The following SDC2 variants were observed in gnomAD, a reference collection of about 807,000 sequenced individuals.
The protein encoded by SDC2 is syndecan-2.
Under a neutral mutation model 22.2 loss-of-function variants are expected in SDC2, and 13 were observed. The observed-to-expected ratio is 0.59, with a 90% CI of 0.38 to 0.93. The LOEUF (loss-of-function observed/expected upper bound fraction) is 0.93, where lower values mean the gene tolerates loss of function less well. SDC2 is among the 40% of genes least tolerant of loss of function. SDC2 has a pLI of 0.00. For missense variants in SDC2, 235 were observed against 246.8 expected, an observed-to-expected ratio of 0.95 and a Z score of 0.32; for synonymous variants, 94 against 92.8, an observed-to-expected ratio of 1.01 and a Z score of -0.07.
chr8:96,540,180 G>A (rs2582833), intron 1 of SDC2, among the ~76,000 whole-genome samples: 86,221 of 150,224 alleles, frequency 0.57, 26,325 homozygotes, highest in Non-Finnish European at 0.7. Flanking sequence ...AAGCCCCCCC[G>A]CCCCGCCAGC....
chr8:96,494,208 G>A lies in SDC2; in HGVS notation c.-64G>A. The A allele has an allele frequency of 2.0e-6, 3 of 1,488,034 alleles. No homozygotes were observed. Among genetic ancestry groups the A allele is most frequent in the South Asian group, 1.2e-5 (1 of 82,534 alleles). 92.2% of individuals were successfully genotyped at this position (1,488,034 alleles called of 1,614,324 possible). A position where few individuals can be genotyped will look rare whatever the true frequency, so the allele number is the denominator to read the frequency against. ...TGTGCGCGGGCTGCGCCGAGCGCTG[G>A]GCAGGAGGCTTCGTTTTGCCCTGGT... On this transcript the variant is annotated 5_prime_UTR_variant, in exon 1 of 5. Transcript: ENST00000302190.
At chr8:96,582,680 A>G (rs1814608673) in intron 1 of SDC2, among the ~76,000 whole-genome samples, 1 of 152,166 alleles carries the variant, frequency 6.6e-6, no homozygotes, top group Non-Finnish European at 1.5e-5. Context: ...GTTAGGTGTA[A>G]TAGATTGGAC....
At chr8:96,588,654 T>G (rs1814726078) in intron 1 of SDC2, among the ~76,000 whole-genome samples, 1 of 152,220 alleles carries the variant, frequency 6.6e-6, no homozygotes, top group African/African-American at 2.4e-5. Flanking sequence ...CAAAGGCTAA[T>G]TTTCTGAAAG....
intron 1 of SDC2, among the ~76,000 whole-genome samples, chr8:96,534,118 A>G (rs1441477244): frequency 6.6e-6 from 1 of 152,156 alleles, no homozygotes; most frequent in Non-Finnish European, 1.5e-5. Context: ...GGGCCTGCCG[A>G]GCCCACGCCC....
intron 1 of SDC2, among the ~76,000 whole-genome samples, chr8:96,569,328 C>G (rs1653721841): frequency 6.6e-6 from 1 of 152,186 alleles, no homozygotes; most frequent in South Asian, 2.1e-4. Context: ...TTCTTATACT[C>G]TCAGCCTAGA....
chr8:96,570,534 A>T (rs1314875369), intron 1 of SDC2, among the ~76,000 whole-genome samples: 1 of 152,180 alleles, frequency 6.6e-6, no homozygotes, highest in Non-Finnish European at 1.5e-5. Context: ...AGAAAAAAAT[A>T]ATTTCGGCTG....
chr8:96,540,361 T>TATATATATATA (rs1554601731), intron 1 of SDC2, among the ~76,000 whole-genome samples: 2 of 148,268 alleles, frequency 1.3e-5, no homozygotes, highest in Admixed American at 1.3e-4. Flanking sequence ...TATATAAAAA[T>TATATATATATA]TAGTCGGGTG....
chr8:96,546,396 T>C (rs1421791124), intron 1 of SDC2, among the ~76,000 whole-genome samples: 2 of 152,342 alleles, frequency 1.3e-5, no homozygotes, highest in East Asian at 3.9e-4. Flanking sequence ...ATTGGGTGGC[T>C]GGCTTTCTCT....
chr8:96,545,660 A>G (rs908581736), intron 1 of SDC2, among the ~76,000 whole-genome samples: 1 of 152,236 alleles, frequency 6.6e-6, no homozygotes, highest in African/African-American at 2.4e-5. Context: ...TGGGTACATT[A>G]GAAGTGTACC....
At position 96,522,386 on chromosome 8, in the gene SDC2, C is replaced by T. The variant is rs544442057; in HGVS notation, c.60+28055C>T. 5.6e-3 allele frequency among the ~76,000 whole-genome samples: 846 copies of T among 150,184 alleles called. 3 individuals carry two copies. Among genetic ancestry groups the T allele is most frequent in the Non-Finnish European group, 7.1e-3 (481 of 67,478 alleles). Reference sequence around the variant, plus strand: ...TGGTTACCTATTTTTTTTTTTTTCTCCTCTGGCTGGAGAAAAGTTAGAACA... The same window carrying T: ...TGGTTACCTATTTTTTTTTTTTTCTTCTCTGGCTGGAGAAAAGTTAGAACA... On this transcript the variant is annotated intron_variant, in intron 1 of 4. Coordinates refer to ENST00000302190, the MANE Select transcript of SDC2 (RefSeq NM_002998.4).
At position 96,555,216 on chromosome 8, in the gene SDC2, G is replaced by A. The variant is rs552505892; in HGVS notation, c.61-38264G>A. On this transcript the variant is annotated intron_variant, in intron 1 of 4. Coordinates refer to ENST00000302190, the MANE Select transcript of SDC2 (RefSeq NM_002998.4). ...CCTTAGCAGGATGCCTCATACTTAAGAGGTACCCACATATTTAGGTGGATG... is the reference window on the plus strand; with the variant it reads ...CCTTAGCAGGATGCCTCATACTTAAAAGGTACCCACATATTTAGGTGGATG... Among the ~76,000 whole-genome samples the A allele has an allele frequency of 2.0e-5, 3 of 152,214 alleles. No individual in the cohort carries two copies. The East Asian group carries it at 5.8e-4, about 29-fold the overall frequency.
chr8:96,602,522 G>T lies in SDC2; in HGVS notation c.300G>T (p.Gln100His). Residue 100 changes from glutamine to histidine, a missense_variant, in exon 3 of 5, where the codon CAG becomes CAT. Transcript: ENST00000302190. ...ATATACAGAACAAGATACCTGCTCA[G>T]ACAAAGGTGCGTTCTATTTTCCATT... ...TLNIQNKIPAQTKSPEETDKE... is the reference protein window; with the variant it reads ...TLNIQNKIPAHTKSPEETDKE... 6.2e-7 allele frequency: 1 copy of T among 1,613,984 alleles called. No individual in the cohort carries two copies. The highest frequency in any genetic ancestry group is 1.1e-5 in the South Asian group (1 of 91,070).
chr8:96,516,963 C>T (rs976555773), intron 1 of SDC2, among the ~76,000 whole-genome samples: 25 of 152,086 alleles, frequency 1.6e-4, no homozygotes, highest in Non-Finnish European at 2.8e-4. Flanking sequence ...TATATACCTA[C>T]GAGTGGAATT....
intron 1 of SDC2, among the ~76,000 whole-genome samples, chr8:96,560,685 C>A (rs1376581585): frequency 6.6e-6 from 1 of 151,874 alleles, no homozygotes; most frequent in Non-Finnish European, 1.5e-5. Context: ...ATCATTAAAC[C>A]CTTTGAGAAT....
chr8:96,563,275 C>G (rs137902944), intron 1 of SDC2, among the ~76,000 whole-genome samples: 104 of 152,250 alleles, frequency 6.8e-4, no homozygotes, highest in African/African-American at 2.4e-3. Flanking sequence ...TTACTTCCTG[C>G]CTCCAAAATT....
chr8:96,517,795 GTGTGTGTATA>G (rs1563645637), intron 1 of SDC2, among the ~76,000 whole-genome samples: 3 of 118,624 alleles, frequency 2.5e-5, no homozygotes, highest in Non-Finnish European at 3.6e-5. Flanking sequence ...GTGTGTGTGT[GTGTGTGTATA>G]TATATATGCA....
intron 3 of SDC2, among the ~76,000 whole-genome samples, chr8:96,606,445 C>T (rs1274995327): frequency 1.3e-5 from 2 of 152,134 alleles, no homozygotes; most frequent in East Asian, 3.9e-4. Context: ...ATGAACAACT[C>T]CTTTGAATGG....
chr8:96,606,116 G>T (rs527799411), intron 3 of SDC2, among the ~76,000 whole-genome samples: 197 of 152,218 alleles, frequency 1.3e-3, no homozygotes, highest in South Asian at 5.4e-3. Context: ...GAGCTGAGAA[G>T]GATTATTGTC....
rs563371375 is a variant in SDC2, at chr8:96,610,342, C to T, written c.*794C>T. 3 of 152,672 alleles carry T rather than the reference C, an allele frequency of 2.0e-5. No individual in the cohort carries two copies. The highest frequency in any genetic ancestry group is 2.0e-4 in the Admixed American group (3 of 15,278). 9.5% of individuals were successfully genotyped at this position (152,672 alleles called of 1,614,324 possible). A position where few individuals can be genotyped will look rare whatever the true frequency, so the allele number is the denominator to read the frequency against. ...AAGTTGCTGCAGATTCCTTTGGCCA[C>T]TGTATTTGTTAATTTCTTGCAATTT... On this transcript the variant is annotated 3_prime_UTR_variant, in exon 5 of 5. Transcript: ENST00000302190.
Sources: gnomAD v4.1 joint callset for allele counts (sites outside exome capture counted in the v4.1 genomes callset) on GRCh38, gnomAD v4.1.1 for gene constraint, MANE v1.5 for transcripts, NCBI Gene and HGNC (gene_info 2026-07-23, HGNC 2026-07-21) for gene names.